Variants in CES3 observed in about 807,000 individuals in gnomAD.
CES3 encodes carboxylesterase 3 (brain).
In CES3, 49 loss-of-function variants were observed where a neutral mutation model predicts 57.6. That is an observed-to-expected ratio of 0.85 (90% CI 0.68 to 1.08). The LOEUF (loss-of-function observed/expected upper bound fraction) is 1.08. Among genes scored for constraint, CES3 ranks in the 50% least tolerant of loss-of-function variants. CES3 has a pLI of 0.00. For synonymous variants in CES3, 266 were observed against 281.6 expected (o/e 0.94, Z 0.55); for missense variants, 645 against 742.0 (o/e 0.87, Z 1.52).
At chr16:66,972,806 G>C (rs373913456) in intron 12 of CES3, 48 bp from the exon 13 acceptor site, 5 of 1,613,828 alleles carry the variant, frequency 3.1e-6, no homozygotes, top group Non-Finnish European at 4.2e-6. Context: ...CGGCCCCTCT[G>C]GGGGACAGCA....
intron 10 of CES3, among the ~76,000 whole-genome samples, chr16:66,971,710 G>A (rs71649611): frequency 6.6e-6 from 1 of 151,586 alleles, no homozygotes; most frequent in East Asian, 1.9e-4. Flanking sequence ...TCCAGACCCA[G>A]AACTTTGTGA....
In CES3 at chr16:66,963,335, C is replaced by T; in HGVS notation, c.239C>T (p.Pro80Leu). 3.7e-6 allele frequency: 6 copies of T among 1,613,614 alleles called. No individual in the cohort carries two copies. Among genetic ancestry groups the T allele is most frequent in the Non-Finnish European group, 4.2e-6 (5 of 1,180,032 alleles). ...CCTGACCGGTTCTCAGCCCCACACC[C>T]AGCACAGCCCTGGGAGGGTGTGCGG... Reference protein sequence around the residue: ...LGPDRFSAPHPAQPWEGVRDA... With the variant: ...LGPDRFSAPHLAQPWEGVRDA... The change falls in exon 2 of 13, where the codon CCA (proline) becomes CTA (leucine). Residue 80 changes from proline to leucine, a missense_variant. Pro to Leu is a moderately conservative substitution (Grantham distance 98). Coordinates refer to ENST00000303334, the MANE Select transcript of CES3 (RefSeq NM_024922.6). The surrounding 1 kb of genome is among the most constrained non-coding windows in gnomAD (Gnocchi z 4.9).
rs1963850572 is a variant in CES3 at position 66,972,423 on chromosome 16, T to C, written c.1359T>C (p.Pro453=). 2 of 1,614,006 alleles carry C rather than the reference T, an allele frequency of 1.2e-6. No homozygotes were observed. Among genetic ancestry groups the C allele is most frequent in the Non-Finnish European group, 1.7e-6 (2 of 1,179,974 alleles). ...HRPSSFAKIK[P]AWVKADHGAE... Reference sequence around the variant, plus strand: ...CCAGTTCTTTTGCGAAGATCAAACCTGCCTGGGTGAAGGCTGATCATGGGG... The same window carrying C: ...CCAGTTCTTTTGCGAAGATCAAACCCGCCTGGGTGAAGGCTGATCATGGGG... The change falls in exon 11 of 13, where the codon CCT becomes CCC. Residue 453 remains proline (P), a synonymous_variant. Transcript: ENST00000303334.
chr16:66,965,244 A>G (rs973687412), intron 6 of CES3, among the ~76,000 whole-genome samples: 1 of 152,252 alleles, frequency 6.6e-6, no homozygotes, highest in Admixed American at 6.5e-5. Context: ...AGTGGGGGCC[A>G]TGCCTGGGAA....
chr16:66,965,602 TC>T (rs979794518), intron 6 of CES3, among the ~76,000 whole-genome samples: 8 of 152,018 alleles, frequency 5.3e-5, no homozygotes, highest in African/African-American at 1.7e-4. Context: ...CCTCTCAACC[TC>T]CCCATCCCAT....
chr16:66,970,626 T>G (rs1963816258), intron 9 of CES3, among the ~76,000 whole-genome samples: 1 of 151,660 alleles, frequency 6.6e-6, no homozygotes, highest in African/African-American at 2.4e-5. Context: ...AGCCCATCTC[T>G]TCATCTACAC....
At chr16:66,966,902 G>T in intron 8 of CES3, 37 bp downstream of exon 8, 1 of 1,610,508 alleles carries the variant, frequency 6.2e-7, no homozygotes. Context: ...TCAAGGCCCT[G>T]CCCCAGCCAG....
intron 7 of CES3, 41 bp from the exon 8 acceptor site, chr16:66,966,684 G>A: frequency 6.2e-7 from 1 of 1,612,182 alleles, no homozygotes; most frequent in Non-Finnish European, 8.5e-7. Context: ...TTTGAGGCTT[G>A]GCCCTAACTT....
chr16:66,966,912 G>A (rs1963741238), intron 8 of CES3, 47 bp downstream of exon 8: 1 of 1,605,906 alleles, frequency 6.2e-7, no homozygotes, highest in Admixed American at 1.7e-5. Flanking sequence ...GCCCCAGCCA[G>A]TACCTGCCAC....
At position 66,973,134 on chromosome 16, in the gene CES3, G is replaced by A. The variant is rs1449215611; in HGVS notation, c.*85G>A. ...AGCACGGCAGCCCGCCTCTCCCCCTGCTGAGACTTTAATCTCCACCAGCCC... is the reference window on the plus strand; with the variant it reads ...AGCACGGCAGCCCGCCTCTCCCCCTACTGAGACTTTAATCTCCACCAGCCC... On this transcript the variant is annotated 3_prime_UTR_variant, in exon 13 of 13. Coordinates refer to ENST00000303334, the MANE Select transcript of CES3 (RefSeq NM_024922.6). 1.6e-6 allele frequency: 2 copies of A among 1,230,070 alleles called. No homozygotes were observed. The highest frequency in any genetic ancestry group is 2.8e-5 in the South Asian group (2 of 71,552). 76.2% of individuals were successfully genotyped at this position (1,230,070 alleles called of 1,614,324 possible).
intron 8 of CES3, 120 bp downstream of exon 8, chr16:66,966,985 G>A: frequency 8.1e-7 from 1 of 1,229,442 alleles, no homozygotes; most frequent in Non-Finnish European, 1.1e-6. Flanking sequence ...TGATAAGTGA[G>A]AAAGCAGAGG....
In CES3 at chr16:66,973,889, GC is replaced by G. The variant is rs1238689613; in HGVS notation, c.*844del. The G allele has an allele frequency of 6.6e-6, 1 of 152,478 alleles. No homozygotes were observed. Among genetic ancestry groups the G allele is most frequent in the East Asian group, 1.9e-4 (1 of 5,190 alleles). The allele number at this position is 152,478 out of a possible 1,614,324, so 9.4% of individuals were successfully genotyped here. A position where few individuals can be genotyped will look rare whatever the true frequency, so the allele number is the denominator to read the frequency against. On this transcript the variant is annotated 3_prime_UTR_variant, in exon 13 of 13. Coordinates refer to ENST00000303334, the MANE Select transcript of CES3 (RefSeq NM_024922.6). ...TCAGGACGCTGGATGCCAGCTCCCA[GC>G]CCCAGTGCCGGGTCCTCCCTCCCTT...
At chr16:66,970,913 G>T (rs866602421) in intron 9 of CES3, among the ~76,000 whole-genome samples, 39 of 152,192 alleles carry the variant, frequency 2.6e-4, no homozygotes, top group African/African-American at 8.7e-4. Context: ...CACATAGGCT[G>T]CCAGGCAGAG....
intron 10 of CES3, among the ~76,000 whole-genome samples, chr16:66,971,557 C>T (rs1963834271): frequency 6.6e-6 from 1 of 152,184 alleles, no homozygotes; most frequent in African/African-American, 2.4e-5. Flanking sequence ...CAATGACTCA[C>T]CAAAGGTCAC....
intron 8 of CES3, among the ~76,000 whole-genome samples, chr16:66,969,097 A>G (rs1272325180): frequency 1.3e-5 from 2 of 151,982 alleles, no homozygotes; most frequent in African/African-American, 4.8e-5. Context: ...TGTTGCTGAG[A>G]ATGTTTCTTA....
At position 66,963,948 on chromosome 16, in the gene CES3, G is replaced by C. The variant is rs776376883; in HGVS notation, c.560+13G>C. ...TTGGCTTCTTCAGGTGAGACGACAG[G>C]CATGGCCAGAGCACTGCCTGCACCG... On this transcript the variant is annotated intron_variant, in intron 4 of 12. Coordinates refer to ENST00000303334, the MANE Select transcript of CES3 (RefSeq NM_024922.6). The surrounding 1 kb of genome is among the most constrained non-coding windows in gnomAD (Gnocchi z 4.9). The C allele has an allele frequency of 1.2e-6, 2 of 1,610,014 alleles. No homozygotes were observed. Among genetic ancestry groups the C allele is most frequent in the South Asian group, 2.2e-5 (2 of 91,000 alleles).
chr16:66,964,281 G>A lies in CES3; in HGVS notation c.561-76G>A, dbSNP rs544187105. ...GCAGAGAAGGGTCTGGCATCCTGGTGGCTAATTCAAAGCAAACCTGCAGAG... is the reference window on the plus strand; with the variant it reads ...GCAGAGAAGGGTCTGGCATCCTGGTAGCTAATTCAAAGCAAACCTGCAGAG... On this transcript the variant is annotated intron_variant, in intron 4 of 12. Transcript: ENST00000303334. The A allele has an allele frequency of 4.4e-5, 69 of 1,562,998 alleles. No homozygotes were observed. In the East Asian group the frequency reaches 1.1e-3, roughly 24 times the overall value.
At chr16:66,966,648 G>A in intron 7 of CES3, 77 bp from the exon 8 acceptor site, 1 of 1,573,190 alleles carries the variant, frequency 6.4e-7, no homozygotes, top group South Asian at 1.1e-5. Context: ...CAGGCCTGCA[G>A]CTCAGTGGCT....
chr16:66,971,907 G>A (rs112099852), intron 10 of CES3, among the ~76,000 whole-genome samples: 3 of 152,106 alleles, frequency 2.0e-5, no homozygotes, highest in South Asian at 2.1e-4. Context: ...TGGGAGAAGC[G>A]GGAGGATCGC....
Sources: gnomAD v4.1 joint callset for allele counts (sites outside exome capture counted in the v4.1 genomes callset) on GRCh38, gnomAD v4.1.1 for gene constraint, Gnocchi (gnomAD v3.1) non-coding constraint, MANE v1.5 for transcripts, NCBI Gene and HGNC (gene_info 2026-07-23, HGNC 2026-07-21) for gene names.